Variants in PRKX observed in about 807,000 individuals in gnomAD.
PRKX encodes cAMP-dependent protein kinase catalytic subunit PRKX.
In PRKX, 12 loss-of-function variants were observed where a neutral mutation model predicts 22.0. That is an observed-to-expected ratio of 0.54 (90% confidence interval 0.35 to 0.88). PRKX has a LOEUF of 0.88. PRKX is among the 40% of genes least tolerant of loss of function. The pLI, the probability that PRKX is intolerant of heterozygous loss-of-function variation, is 0.01. For synonymous variants in PRKX, 134 were observed against 137.7 expected (o/e 0.97, Z 0.19); for missense variants, 217 against 308.0 (o/e 0.70, Z 2.21).
At chrX:3,709,819 C>T (rs1393134652) in intron 1 of PRKX, among the ~76,000 whole-genome samples, 2 of 110,685 alleles carry the variant, frequency 1.8e-5, no homozygotes, top group African/African-American at 3.3e-5. Flanking sequence ...GAGAGGATCT[C>T]GCTCTATCAC....
chrX:3,631,094 C>A (rs1473023295), intron 4 of PRKX, among the ~76,000 whole-genome samples: 2 of 112,256 alleles, frequency 1.8e-5, no homozygotes, highest in African/African-American at 6.5e-5. Context: ...TTTCAAATGA[C>A]ACCCTCATTG....
rs1401602539 is a variant in PRKX, at chrX:3,621,254, C to T, written c.873+5G>A. On this transcript the variant is annotated splice_donor_5th_base_variant and intron_variant, in intron 6 of 8. Coordinates refer to ENST00000262848, the MANE Select transcript of PRKX (RefSeq NM_005044.5). ...CACTGAATACCCACGGGATCAAATA[C>T]TGACCTTCATGTTTCCTAATCGCCT... is the stretch of plus-strand genomic sequence containing the variant. 2 of 1,203,592 alleles carry T rather than the reference C, an allele frequency of 1.7e-6. No homozygotes were observed. Among genetic ancestry groups the T allele is most frequent in the African/African-American group, 1.8e-5 (1 of 56,647 alleles).
chrX:3,689,077 T>G (rs931827179), intron 1 of PRKX, among the ~76,000 whole-genome samples: 1 of 112,209 alleles, frequency 8.9e-6, no homozygotes, highest in Non-Finnish European at 1.9e-5. Flanking sequence ...ACTATAGAAA[T>G]AGTTCATCAA....
At chrX:3,706,002 TA>T (rs11349613) in intron 1 of PRKX, among the ~76,000 whole-genome samples, 43,843 of 93,546 alleles carry the variant, frequency 0.47, 8,959 homozygotes, top group African/African-American at 0.71. Context: ...GGTTTTTCTT[TA>T]AAAAAAAAAA....
At chrX:3,705,228 A>G (rs777606641) in intron 1 of PRKX, among the ~76,000 whole-genome samples, 1 of 111,152 alleles carries the variant, frequency 9.0e-6, no homozygotes, top group East Asian at 2.8e-4. Context: ...TAATTAACAG[A>G]CGGTGCCATC....
intron 1 of PRKX, among the ~76,000 whole-genome samples, chrX:3,710,832 C>T (rs1307658223): frequency 1.8e-5 from 2 of 111,386 alleles, no homozygotes; most frequent in African/African-American, 6.5e-5. Context: ...TAAAAGCAAA[C>T]TTATGTTCCT....
chrX:3,613,150 C>CAAAAAAAAAAAAAAAAAA lies in PRKX; in HGVS notation c.952-843_952-826dup. Among the ~76,000 whole-genome samples, 44 of 54,324 alleles carry CAAAAAAAAAAAAAAAAAA rather than the reference C, an allele frequency of 8.1e-4. 4 individuals are homozygous for CAAAAAAAAAAAAAAAAAA. Among genetic ancestry groups the CAAAAAAAAAAAAAAAAAA allele is most frequent in the Non-Finnish European group, 1.4e-3 (37 of 26,551 alleles). The allele number at this position is 54,324 out of a possible 115,157, so 47.2% of individuals were successfully genotyped here. A position where few individuals can be genotyped will look rare whatever the true frequency, so the allele number is the denominator to read the frequency against. ...TGGGCAACGGAGCAAGACTTCGTCT[C>CAAAAAAAAAAAAAAAAAA]AAAAAAAAAAAAAAAAAAAAAAAAA... On this transcript the variant is annotated intron_variant, in intron 7 of 8. Coordinates refer to ENST00000262848, the MANE Select transcript of PRKX (RefSeq NM_005044.5).
intron 4 of PRKX, chrX:3,641,402 G>A (rs1194422385): frequency 7.1e-6 from 1 of 141,569 alleles, no homozygotes; most frequent in Non-Finnish European, 1.4e-5. Context: ...GAAAGGGTCT[G>A]TGCAGAAGAT....
intron 1 of PRKX, among the ~76,000 whole-genome samples, chrX:3,692,527 C>CT (rs34719641): frequency 0.16 from 14,704 of 94,011 alleles, 1,267 homozygotes; most frequent in East Asian, 0.33. Flanking sequence ...AGCAACTGAA[C>CT]TTTTTTTTTT....
chrX:3,651,465 C>T (rs1413022580), intron 3 of PRKX, among the ~76,000 whole-genome samples: 2 of 112,028 alleles, frequency 1.8e-5, no homozygotes, highest in Non-Finnish European at 3.8e-5. Flanking sequence ...AGCACAGATG[C>T]TATAAATCAA....
chrX:3,664,799 G>A (rs1193027587), intron 2 of PRKX, among the ~76,000 whole-genome samples: 1 of 111,726 alleles, frequency 9.0e-6, no homozygotes, highest in Non-Finnish European at 1.9e-5. Flanking sequence ...TAACAGATAC[G>A]GGGACTCCCA....
intron 2 of PRKX, among the ~76,000 whole-genome samples, chrX:3,661,480 G>A (rs1224113311): frequency 7.3e-5 from 8 of 110,134 alleles, no homozygotes; most frequent in African/African-American, 2.6e-4. Context: ...GGTTGTGCAG[G>A]CCTGTAGTCC....
rs775774808 is a variant in PRKX, at chrX:3,612,242, C to T, written c.1035G>A (p.Ala345=). Residue 345 remains alanine (A), a synonymous_variant, in exon 8 of 9, where the codon GCG becomes GCA. Coordinates refer to ENST00000262848, the MANE Select transcript of PRKX (RefSeq NM_005044.5). The part of the protein sequence containing the change: ...TYPENDWDTA[A]PVPQKDLEIF... ...TTTCTAAATCCTTCTGCGGCACGGGCGCGGCTGTGTCCCAGTCATTCTCAG... is the reference window on the plus strand; with the variant it reads ...TTTCTAAATCCTTCTGCGGCACGGGTGCGGCTGTGTCCCAGTCATTCTCAG... 2.0e-5 allele frequency: 24 copies of T among 1,210,232 alleles called. No homozygotes were observed. The highest frequency in any genetic ancestry group is 4.4e-5 in the Admixed American group (2 of 45,806).
chrX:3,695,323 T>A (rs1928422462), intron 1 of PRKX, among the ~76,000 whole-genome samples: 1 of 112,400 alleles, frequency 8.9e-6, no homozygotes, highest in Admixed American at 9.5e-5. Context: ...ATGGAGACAA[T>A]ATCCTCTCCA....
At chrX:3,655,667 A>G (rs1393761047) in intron 2 of PRKX, among the ~76,000 whole-genome samples, 1 of 112,659 alleles carries the variant, frequency 8.9e-6, no homozygotes, top group Non-Finnish European at 1.9e-5. Flanking sequence ...TTAGAGACAG[A>G]TGTTAGGATA....
At chrX:3,712,689 C>G (rs1268342941) in intron 1 of PRKX, among the ~76,000 whole-genome samples, 1 of 112,368 alleles carries the variant, frequency 8.9e-6, no homozygotes, top group African/African-American at 3.2e-5. Context: ...CTGCAGGGGT[C>G]TTCGCACCCC....
chrX:3,694,105 C>G (rs1928395521), intron 1 of PRKX, among the ~76,000 whole-genome samples: 1 of 108,380 alleles, frequency 9.2e-6, no homozygotes, highest in African/African-American at 3.4e-5. Context: ...AAAAAATGGC[C>G]AGTGAGCATG....
At chrX:3,697,935 A>G (rs1345007235) in intron 1 of PRKX, among the ~76,000 whole-genome samples, 1 of 111,683 alleles carries the variant, frequency 9.0e-6, no homozygotes, top group Non-Finnish European at 1.9e-5. Flanking sequence ...AGGGCATCCC[A>G]AGGGAACAAT....
chrX:3,629,414 GTT>G (rs766702749), intron 4 of PRKX, among the ~76,000 whole-genome samples: 4 of 91,594 alleles, frequency 4.4e-5, no homozygotes, highest in Admixed American at 1.2e-4. Context: ...CCAGGGTTTT[GTT>G]TTTTTTTTTT....
Sources: gnomAD v4.1 joint callset for allele counts (sites outside exome capture counted in the v4.1 genomes callset) on GRCh38, gnomAD v4.1.1 for gene constraint, MANE v1.5 for transcripts, NCBI Gene and HGNC (gene_info 2026-07-23, HGNC 2026-07-21) for gene names.